The following IFT140 variants were observed in gnomAD, a reference collection of about 807,000 sequenced individuals.
IFT140 encodes intraflagellar transport protein 140 homolog.
IFT140 carries 133 observed loss-of-function variants against 164.6 expected under a neutral mutation model. The observed-to-expected ratio is 0.81, with a 90% CI of 0.70 to 0.93. The LOEUF (loss-of-function observed/expected upper bound fraction) is 0.93. IFT140 is among the 40% of genes least tolerant of loss of function. The probability of loss-of-function intolerance (pLI) is 0.00; values close to 1 mark genes in which losing one functional copy is unlikely to be tolerated. For synonymous variants in IFT140, 860 were observed against 817.3 expected (o/e 1.05, Z -0.89); for missense variants, 2,045 against 1,972.3 (o/e 1.04, Z -0.70).
At chr16:1,584,809 A>AAGAAATGTTC (rs1267160730) in intron 10 of IFT140, among the ~76,000 whole-genome samples, 1 of 152,240 alleles carries the variant, frequency 6.6e-6, no homozygotes, top group Non-Finnish European at 1.5e-5. Context: ...TCTTCTGCTG[A>AAGAAATGTTC]TGTGAAATGT....
chr16:1,536,127 C>T (rs1156372169), intron 19 of IFT140, among the ~76,000 whole-genome samples: 4 of 152,222 alleles, frequency 2.6e-5, no homozygotes, highest in African/African-American at 4.8e-5. Flanking sequence ...GGCCCTTGGC[C>T]GCAGCTCTGC....
intron 8 of IFT140, 98 bp downstream of exon 8, chr16:1,587,835 G>T: frequency 2.2e-6 from 2 of 895,226 alleles, no homozygotes; most frequent in Non-Finnish European, 1.7e-6. Flanking sequence ...CATCATATGT[G>T]CATTTTACAT....
intron 6 of IFT140, among the ~76,000 whole-genome samples, chr16:1,590,013 G>A (rs1054942372): frequency 1.3e-5 from 2 of 151,970 alleles, no homozygotes; most frequent in South Asian, 2.1e-4. Context: ...CCTGGCCAAC[G>A]TAGTGAAATC....
chr16:1,566,076 T>C, intron 16 of IFT140, 85 bp downstream of exon 16: 2 of 1,436,134 alleles, frequency 1.4e-6, no homozygotes, highest in South Asian at 2.4e-5. Context: ...TGAAGGCGCG[T>C]TAACTTAGCA....
chr16:1,584,462 C>A, intron 10 of IFT140, 42 bp from the exon 11 acceptor site: 1 of 1,507,770 alleles, frequency 6.6e-7, no homozygotes, highest in East Asian at 2.4e-5. Context: ...GATGTGTGAA[C>A]AGAGCAGGAG....
At chr16:1,554,023 C>T (rs1159482210) in intron 19 of IFT140, 1 of 1,287,116 alleles carries the variant, frequency 7.8e-7, no homozygotes, top group East Asian at 5.5e-5. Flanking sequence ...CCCACCTCTC[C>T]TTCTCTGGTT....
At chr16:1,561,728 G>A (rs755211073) in intron 18 of IFT140, among the ~76,000 whole-genome samples, 1 of 152,194 alleles carries the variant, frequency 6.6e-6, no homozygotes. Context: ...TCCTTCACCC[G>A]GAGACAGCAC....
intron 19 of IFT140, chr16:1,555,311 CAGGTT>C (rs1286439467): frequency 6.8e-6 from 3 of 440,482 alleles, no homozygotes; most frequent in Admixed American, 4.0e-5. Flanking sequence ...AGCTGAGACA[CAGGTT>C]AGGTGGCGCG....
chr16:1,594,144 GC>G (rs1295652264), intron 4 of IFT140, among the ~76,000 whole-genome samples: 1 of 152,110 alleles, frequency 6.6e-6, no homozygotes, highest in Admixed American at 6.5e-5. Context: ...CCTTTGATGT[GC>G]CCCCATTACC....
chr16:1,595,540 G>C (rs1305170552), intron 4 of IFT140, among the ~76,000 whole-genome samples: 2 of 150,906 alleles, frequency 1.3e-5, no homozygotes, highest in Non-Finnish European at 1.5e-5. Flanking sequence ...ACTTGAATCT[G>C]GGAGGTGGAG....
chr16:1,574,366 C>A (rs963475065), intron 13 of IFT140, among the ~76,000 whole-genome samples: 8 of 152,072 alleles, frequency 5.3e-5, no homozygotes. Context: ...ACAACCTCAA[C>A]CTCCCTAGGC....
At chr16:1,569,097 C>T (rs1417933472) in intron 14 of IFT140, among the ~76,000 whole-genome samples, 12 of 151,736 alleles carry the variant, frequency 7.9e-5, no homozygotes, top group African/African-American at 2.4e-4. Flanking sequence ...CTCCGCCTCC[C>T]GGGTTCACGC....
At chr16:1,565,403 G>A (rs2033655069) in intron 16 of IFT140, among the ~76,000 whole-genome samples, 2 of 152,054 alleles carry the variant, frequency 1.3e-5, no homozygotes, top group South Asian at 4.2e-4. Context: ...GGTGAAAGAA[G>A]GTTCCAGCAC....
intron 19 of IFT140, chr16:1,534,512 C>A: frequency 6.2e-7 from 1 of 1,607,814 alleles, no homozygotes; most frequent in Admixed American, 1.7e-5. Flanking sequence ...TGGGCTGGGG[C>A]TCCGAGGCAG....
intron 17 of IFT140, among the ~76,000 whole-genome samples, chr16:1,563,773 A>AT (rs1306441116): frequency 7.2e-5 from 11 of 151,980 alleles, no homozygotes; most frequent in Admixed American, 5.2e-4. Context: ...TGCTAGGAAG[A>AT]TTTTTTTTAT....
At chr16:1,585,840 G>C (rs1176937475) in intron 10 of IFT140, among the ~76,000 whole-genome samples, 1 of 143,014 alleles carries the variant, frequency 7.0e-6, no homozygotes, top group Non-Finnish European at 1.5e-5. Flanking sequence ...GCACAATCTC[G>C]GCTCACTGCA....
At chr16:1,511,246 G>T in intron 30 of IFT140, 96 bp from the exon 31 acceptor site, 2 of 1,196,490 alleles carry the variant, frequency 1.7e-6, no homozygotes, top group Non-Finnish European at 2.4e-6. Flanking sequence ...CCTGGAGGCG[G>T]GTGGGGGTGC....
Position 1,602,580 on chromosome 16 carries a change from C to T in IFT140, c.159G>A (p.Val53=). 1 of 1,611,934 alleles carries T rather than the reference C, an allele frequency of 6.2e-7. No homozygotes were observed. Among genetic ancestry groups the T allele is most frequent in the South Asian group, 1.1e-5 (1 of 91,038 alleles). Residue 53 remains valine, a synonymous_variant, in exon 4 of 31, where the codon GTG becomes GTA. Transcript: ENST00000426508. ...ACGGCCTCTCGACGTGTGTATCTGG[C>T]ACGCACTCCCCCTGCATTGGATGAG... is the stretch of plus-strand genomic sequence containing the variant. ...VDIYLEQGEC[V]PDTHVERPFR...
intron 19 of IFT140, chr16:1,534,442 G>A (rs756363610): frequency 8.7e-6 from 14 of 1,611,594 alleles, no homozygotes; most frequent in Middle Eastern, 1.7e-4. Context: ...GACAGGACCC[G>A]GGGAGGGCCG....
Sources: allele counts gnomAD v4.1 joint callset (sites outside exome capture counted in the v4.1 genomes callset), GRCh38; gene constraint gnomAD v4.1.1; transcripts MANE v1.5; gene names NCBI Gene and HGNC (gene_info 2026-07-23, HGNC 2026-07-21).